The following MAP2K5 variants were observed in gnomAD, a reference collection of about 807,000 sequenced individuals.
MAP2K5 encodes dual specificity mitogen-activated protein kinase kinase 5.
MAP2K5 carries 49 observed loss-of-function variants against 83.1 expected under a neutral mutation model. That is an observed-to-expected ratio of 0.59 (90% CI 0.47 to 0.75). MAP2K5 has a LOEUF of 0.75. MAP2K5 is among the 30% of genes least tolerant of loss of function. MAP2K5 has a pLI of 0.00. For synonymous variants in MAP2K5, 202 were observed against 191.8 expected (o/e 1.05, Z -0.44); for missense variants, 457 against 557.5 (o/e 0.82, Z 1.82).
At chr15:67,751,083 G>A (rs2089708637) in intron 19 of MAP2K5, among the ~76,000 whole-genome samples, 1 of 152,066 alleles carries the variant, frequency 6.6e-6, no homozygotes, top group Non-Finnish European at 1.5e-5. Flanking sequence ...GTGGGCAAGA[G>A]CCAGTCCTGG....
chr15:67,792,409 G>A (rs72751443), intron 21 of MAP2K5, among the ~76,000 whole-genome samples: 1,898 of 152,216 alleles, frequency 0.012, 29 homozygotes, highest in Non-Finnish European at 0.016. Flanking sequence ...GGGGCTACCA[G>A]GACTTGAAAA....
intron 8 of MAP2K5, among the ~76,000 whole-genome samples, chr15:67,617,202 T>C (rs2086074604): frequency 6.6e-6 from 1 of 152,250 alleles, no homozygotes; most frequent in Non-Finnish European, 1.5e-5. Flanking sequence ...TCAGTTATGC[T>C]GAAATCTGAA....
chr15:67,741,735 G>A (rs193097347), intron 17 of MAP2K5, among the ~76,000 whole-genome samples: 3 of 152,210 alleles, frequency 2.0e-5, no homozygotes, highest in African/African-American at 7.2e-5. Context: ...CTGATCATAA[G>A]GAAGAAAACA....
At chr15:67,621,800 G>A (rs904815113) in intron 8 of MAP2K5, among the ~76,000 whole-genome samples, 12 of 152,264 alleles carry the variant, frequency 7.9e-5, no homozygotes, top group African/African-American at 2.2e-4. Context: ...CAAAAAAAAC[G>A]AAAGTGTGTG....
intron 21 of MAP2K5, among the ~76,000 whole-genome samples, chr15:67,796,589 A>G (rs1486073802): frequency 1.3e-5 from 2 of 152,202 alleles, no homozygotes; most frequent in African/African-American, 2.4e-5. Flanking sequence ...ACCAGGCCCC[A>G]TCCCCAACAT....
At position 67,722,351 on chromosome 15, in the gene MAP2K5, C is replaced by CTT. The variant is rs200075045; in HGVS notation, c.1045-5551_1045-5550dup. On this transcript the variant is annotated intron_variant, in intron 16 of 21. Transcript: ENST00000178640. This position sits in a 1 kb window ranked among gnomAD's most constrained non-coding sequence, Gnocchi z 4.2. ...CAGAAGATTAAATTAATTTGTAACT[C>CTT]TTTTTTTTTTTTTTTGGTCCTGCAT... is the stretch of plus-strand genomic sequence containing the variant. Among the ~76,000 whole-genome samples, 3 of 141,494 alleles carry CTT rather than the reference C, an allele frequency of 2.1e-5. No individual in the cohort carries two copies. The highest frequency in any genetic ancestry group is 7.1e-5 in the Admixed American group (1 of 14,054). The allele number at this position is 141,494 out of a possible 152,430, so 92.8% of individuals were successfully genotyped here.
At chr15:67,745,069 A>C (rs1031061149) in intron 17 of MAP2K5, among the ~76,000 whole-genome samples, 3 of 152,250 alleles carry the variant, frequency 2.0e-5, no homozygotes, top group Admixed American at 2.0e-4. Flanking sequence ...GAAGAGGTTC[A>C]TCTATCAAAA....
At chr15:67,558,699 C>T (rs1051875228) in intron 2 of MAP2K5, among the ~76,000 whole-genome samples, 3 of 152,214 alleles carry the variant, frequency 2.0e-5, no homozygotes, top group South Asian at 2.1e-4. Context: ...GGCTTCCTTT[C>T]GGTCTGTCAA....
chr15:67,628,250 G>C, intron 8 of MAP2K5: 1 of 610,822 alleles, frequency 1.6e-6, no homozygotes, highest in Non-Finnish European at 3.0e-6. Flanking sequence ...GGGAGGCTGA[G>C]GTGGGCAGAT....
chr15:67,780,980 G>T lies in MAP2K5; in HGVS notation c.1242+8228G>T, dbSNP rs1020295349. Among the ~76,000 whole-genome samples the T allele has an allele frequency of 2.6e-5, 4 of 152,190 alleles. No homozygotes were observed. Among genetic ancestry groups the T allele is most frequent in the African/African-American group, 9.7e-5 (4 of 41,448 alleles). Reference sequence around the variant, plus strand: ...GAGGTTATTAGAGAGCCAAAACCTAGAGGAGACCTCCTGGCTAGCACCATC... The same window carrying T: ...GAGGTTATTAGAGAGCCAAAACCTATAGGAGACCTCCTGGCTAGCACCATC... On this transcript the variant is annotated intron_variant, in intron 21 of 21. Transcript: ENST00000178640. The surrounding 1 kb of genome is among the most constrained non-coding windows in gnomAD (Gnocchi z 5.0).
chr15:67,656,613 G>A (rs1251938558), intron 11 of MAP2K5, among the ~76,000 whole-genome samples: 2 of 152,086 alleles, frequency 1.3e-5, no homozygotes, highest in East Asian at 1.9e-4. Flanking sequence ...ACAGGTGTGA[G>A]CCATCGTGCC....
At chr15:67,693,316 G>A (rs2088163131) in intron 14 of MAP2K5, among the ~76,000 whole-genome samples, 1 of 152,174 alleles carries the variant, frequency 6.6e-6, no homozygotes, top group East Asian at 1.9e-4. Context: ...CTGTAATGCT[G>A]TGCTTGTTTA....
At chr15:67,686,404 C>G (rs920825867) in intron 13 of MAP2K5, among the ~76,000 whole-genome samples, 4 of 151,836 alleles carry the variant, frequency 2.6e-5, no homozygotes, top group African/African-American at 7.3e-5. Context: ...TTCAGGAGTT[C>G]GAGACCAGCC....
At chr15:67,804,830 T>C (rs568283268) in intron 21 of MAP2K5, among the ~76,000 whole-genome samples, 3 of 152,298 alleles carry the variant, frequency 2.0e-5, no homozygotes, top group East Asian at 3.9e-4. Flanking sequence ...GCTTGGACTT[T>C]GGGAAGGATT....
chr15:67,694,054 A>G (rs890959552), intron 15 of MAP2K5, among the ~76,000 whole-genome samples: 2 of 152,062 alleles, frequency 1.3e-5, no homozygotes, highest in Non-Finnish European at 1.5e-5. Context: ...TTGTACCTCT[A>G]TATTTTGTTT....
At chr15:67,670,702 A>C (rs1255285015) in intron 13 of MAP2K5, among the ~76,000 whole-genome samples, 4 of 151,976 alleles carry the variant, frequency 2.6e-5, no homozygotes, top group Non-Finnish European at 5.9e-5. Context: ...AGCTTAAAAA[A>C]CAGCCAGCCA....
rs555555525 is a variant in MAP2K5, at chr15:67,547,349, A to G, written c.136-2685A>G. ...GCTCGTGGCATGTTGTAGATGCTCA[A>G]TGATGTTTTGGATCTGTCAGATATT... On this transcript the variant is annotated intron_variant, in intron 1 of 21. Transcript: ENST00000178640. 3.2e-4 allele frequency among the ~76,000 whole-genome samples: 48 copies of G among 152,144 alleles called. 1 individual carries two copies. Among genetic ancestry groups the G allele is most frequent in the African/African-American group, 9.2e-4 (38 of 41,440 alleles).
chr15:67,636,105 C>T lies in MAP2K5; in HGVS notation c.585+5178C>T, dbSNP rs1431552404. 2.0e-5 allele frequency among the ~76,000 whole-genome samples: 3 copies of T among 152,112 alleles called. No homozygotes were observed. The highest frequency in any genetic ancestry group is 7.2e-5 in the African/African-American group (3 of 41,426). On this transcript the variant is annotated intron_variant, in intron 9 of 21. Transcript: ENST00000178640. The surrounding 1 kb of genome is among the most constrained non-coding windows in gnomAD (Gnocchi z 4.7). ...AGGTGTGAGCCAGGGCACCTGGCCTCCTCTGCTTTCTTGAAAGTATGAAAT... is the reference window on the plus strand; with the variant it reads ...AGGTGTGAGCCAGGGCACCTGGCCTTCTCTGCTTTCTTGAAAGTATGAAAT...
intron 21 of MAP2K5, among the ~76,000 whole-genome samples, chr15:67,798,712 A>C (rs1168031150): frequency 1.3e-5 from 2 of 152,226 alleles, no homozygotes; most frequent in East Asian, 3.8e-4. Flanking sequence ...TAATAATTGA[A>C]TATTTGGGGA....
Sources: gnomAD v4.1 joint callset for allele counts (sites outside exome capture counted in the v4.1 genomes callset) on GRCh38, gnomAD v4.1.1 for gene constraint, Gnocchi (gnomAD v3.1) non-coding constraint, MANE v1.5 for transcripts, NCBI Gene and HGNC (gene_info 2026-07-23, HGNC 2026-07-21) for gene names.